Variants in DIXDC1 observed in about 807,000 individuals in gnomAD.
The protein encoded by DIXDC1 is dixin.
In DIXDC1, 64 loss-of-function variants were observed where a neutral mutation model predicts 103.1. That is an observed-to-expected ratio of 0.62 (90% CI 0.51 to 0.76). The LOEUF (loss-of-function observed/expected upper bound fraction) is 0.76. Among genes scored for constraint, DIXDC1 ranks in the 30% least tolerant of loss-of-function variants. The pLI is 0.00. For missense variants in DIXDC1, 759 were observed against 834.2 expected (o/e 0.91, Z 1.11); for synonymous variants, 266 against 298.5 (o/e 0.89, Z 1.12).
Position 112,021,608 on chromosome 11 carries a change from A to G in DIXDC1, c.*2572A>G, listed in dbSNP as rs1861763102. 1 of 152,228 alleles carries G rather than the reference A, an allele frequency of 6.6e-6. No individual in the cohort carries two copies. Among genetic ancestry groups the G allele is most frequent in the Non-Finnish European group, 1.5e-5 (1 of 68,036 alleles). 9.4% of individuals were successfully genotyped at this position (152,228 alleles called of 1,614,324 possible). A position where few individuals can be genotyped will look rare whatever the true frequency, so the allele number is the denominator to read the frequency against. On this transcript the variant is annotated 3_prime_UTR_variant, in exon 20 of 20. Coordinates refer to ENST00000440460, the MANE Select transcript of DIXDC1 (RefSeq NM_001037954.4). Reference sequence around the variant, plus strand: ...GCTTAGAGTTCATAAAATAATCTCTAAACCATGTTAGGTTAAAACAAAATG... The same window carrying G: ...GCTTAGAGTTCATAAAATAATCTCTGAACCATGTTAGGTTAAAACAAAATG...
chr11:112,007,588 A>T (rs1861276043), intron 17 of DIXDC1, among the ~76,000 whole-genome samples: 2 of 152,250 alleles, frequency 1.3e-5, no homozygotes, highest in Non-Finnish European at 2.9e-5. Context: ...AGGGAAACCC[A>T]TCAGACTAAC....
chr11:111,996,143 TCAAG>T lies in DIXDC1; in HGVS notation c.1754_1756+1del. 6.2e-7 allele frequency: 1 copy of T among 1,613,436 alleles called. No individual in the cohort carries two copies. The highest frequency in any genetic ancestry group is 8.5e-7 in the Non-Finnish European group (1 of 1,179,660). On this transcript the variant is annotated splice_donor_variant and coding_sequence_variant, in exon 17 of 20. Transcript: ENST00000440460. LOFTEE classifies it high-confidence loss of function. ...ATACCGGGAGTCCTGGCCCCCTAAC[TCAAG>T]TAAGTACCCATTTTTGCTCAGTAGG...
At chr11:111,949,150 A>G (rs1966694263) in intron 1 of DIXDC1, among the ~76,000 whole-genome samples, 1 of 152,174 alleles carries the variant, frequency 6.6e-6, no homozygotes, top group African/African-American at 2.4e-5. Context: ...CCTGGCATGT[A>G]GTAAGTGCTT....
chr11:112,007,755 G>T (rs1861283074), intron 17 of DIXDC1, among the ~76,000 whole-genome samples: 1 of 152,150 alleles, frequency 6.6e-6, no homozygotes, highest in Non-Finnish European at 1.5e-5. Context: ...ACAAGCAAAT[G>T]CTAAGAGATT....
intron 1 of DIXDC1, among the ~76,000 whole-genome samples, chr11:111,940,088 G>A (rs587650282): frequency 2.6e-5 from 4 of 152,316 alleles, no homozygotes; most frequent in Admixed American, 2.0e-4. Flanking sequence ...GGCCTTAATT[G>A]GTTAATTATA....
At chr11:112,004,134 A>G (rs181090694) in intron 17 of DIXDC1, among the ~76,000 whole-genome samples, 235 of 149,978 alleles carry the variant, frequency 1.6e-3, no homozygotes, top group African/African-American at 5.1e-3. Flanking sequence ...ATGTGTGTGT[A>G]TATATATATA....
chr11:112,009,299 A>G (rs1452108444), intron 17 of DIXDC1, among the ~76,000 whole-genome samples: 1 of 152,222 alleles, frequency 6.6e-6, no homozygotes, highest in Admixed American at 6.5e-5. Flanking sequence ...AGGTTCTGAA[A>G]TTGAGGCAAT....
chr11:111,954,440 T>C (rs1203927775), intron 1 of DIXDC1, among the ~76,000 whole-genome samples: 4 of 152,372 alleles, frequency 2.6e-5, no homozygotes, highest in South Asian at 2.1e-4. Context: ...TAACAGGCCA[T>C]GGACCAGATG....
At chr11:111,940,960 G>T (rs1296582346) in intron 1 of DIXDC1, among the ~76,000 whole-genome samples, 5 of 152,218 alleles carry the variant, frequency 3.3e-5, no homozygotes, top group Non-Finnish European at 7.3e-5. Context: ...GACCAGTGAA[G>T]AGGAAGTAGC....
chr11:112,018,880 T>A, intron 19 of DIXDC1, 76 bp from the exon 20 acceptor site: 1 of 1,330,198 alleles, frequency 7.5e-7, no homozygotes, highest in South Asian at 1.2e-5. Flanking sequence ...GTTGAGGTCT[T>A]ATTTTTATTA....
At chr11:111,962,139 G>A (rs1483104362) in intron 1 of DIXDC1, among the ~76,000 whole-genome samples, 1 of 152,138 alleles carries the variant, frequency 6.6e-6, no homozygotes, top group Non-Finnish European at 1.5e-5. Context: ...GTATCTGAGA[G>A]GTCAGGGAAA....
At chr11:111,937,233 C>A, upstream of DIXDC1, 1 of 1,190,920 alleles carries the variant, frequency 8.4e-7, no homozygotes, top group Non-Finnish European at 1.0e-6. Context: ...GGGGGCAGCC[C>A]GGCAGCGCCG....
chr11:111,964,725 TG>T (rs782286533), intron 2 of DIXDC1, 47 bp downstream of exon 2: 10 of 1,526,332 alleles, frequency 6.6e-6, no homozygotes, highest in African/African-American at 1.4e-5. Context: ...GATCAGAATC[TG>T]GCCTTCTTTA....
At chr11:111,989,376 G>A (rs1225534791) in intron 10 of DIXDC1, among the ~76,000 whole-genome samples, 1 of 152,162 alleles carries the variant, frequency 6.6e-6, no homozygotes. Flanking sequence ...TGTAATCCCA[G>A]CACTTTGGGA....
chr11:112,017,299 G>C lies in DIXDC1; in HGVS notation c.1863-478G>C, dbSNP rs1221928826. On this transcript the variant is annotated intron_variant, in intron 18 of 19. Transcript: ENST00000440460. The surrounding 1 kb of genome is among the most constrained non-coding windows in gnomAD (Gnocchi z 4.0). ...TATTTAAACTCTGCAACCAACTATT[G>C]AGAGAGGTTATAGGATTTTTCTTAC... Among the ~76,000 whole-genome samples, 1 of 152,160 alleles carries C rather than the reference G, an allele frequency of 6.6e-6. No homozygotes were observed. The highest frequency in any genetic ancestry group is 2.4e-5 in the African/African-American group (1 of 41,446).
At chr11:111,953,138 G>A (rs1490892921) in intron 1 of DIXDC1, among the ~76,000 whole-genome samples, 1 of 151,922 alleles carries the variant, frequency 6.6e-6, no homozygotes, top group East Asian at 1.9e-4. Flanking sequence ...TTTCACAAAA[G>A]AAAGAAAGAG....
intron 1 of DIXDC1, among the ~76,000 whole-genome samples, chr11:111,955,414 T>TGGGTCTGTACTAGATGA (rs1966891104): frequency 6.6e-6 from 1 of 150,784 alleles, no homozygotes. Flanking sequence ...GATCCAGAGC[T>TGGGTCTGTACTAGATGA]GGAGCAGGGA....
chr11:111,994,959 A>T, intron 14 of DIXDC1, 60 bp from the exon 15 acceptor site: 1 of 1,472,632 alleles, frequency 6.8e-7, no homozygotes, highest in East Asian at 2.3e-5. Flanking sequence ...GAAAAATAAG[A>T]TAGCACATCT....
intron 1 of DIXDC1, among the ~76,000 whole-genome samples, chr11:111,945,468 A>G (rs1429648286): frequency 1.3e-5 from 2 of 152,152 alleles, no homozygotes; most frequent in Non-Finnish European, 2.9e-5. Context: ...GAGGGTTCTT[A>G]AAGAAGAGGG....
Sources: allele counts gnomAD v4.1 joint callset (sites outside exome capture counted in the v4.1 genomes callset), GRCh38; gene constraint gnomAD v4.1.1; non-coding constraint Gnocchi (gnomAD v3.1); transcripts MANE v1.5; gene names NCBI Gene and HGNC (gene_info 2026-07-23, HGNC 2026-07-21).